Variants in EFCAB6 observed in about 807,000 individuals in gnomAD.
The protein encoded by EFCAB6 is EF-hand calcium binding domain 6, also known as EF-hand calcium-binding domain-containing protein 6.
In EFCAB6, 156 loss-of-function variants were observed where a neutral mutation model predicts 169.8. The observed-to-expected ratio is 0.92, with a 90% CI of 0.81 to 1.05. The LOEUF (loss-of-function observed/expected upper bound fraction) is 1.05, where lower values mean the gene tolerates loss of function less well. Among genes scored for constraint, EFCAB6 ranks in the 50% least tolerant of loss-of-function variants. The pLI is 0.00. For synonymous variants in EFCAB6, 698 were observed against 676.4 expected, an observed-to-expected ratio of 1.03 and a Z score of -0.50; for missense variants, 1,800 against 1,829.1, an observed-to-expected ratio of 0.98 and a Z score of 0.29.
chr22:43,727,487 T>C (rs950471684), intron 8 of EFCAB6, among the ~76,000 whole-genome samples: 2 of 152,176 alleles, frequency 1.3e-5, no homozygotes, highest in Admixed American at 1.3e-4. Context: ...ATAACAGTGT[T>C]TGAGAATGTA....
chr22:43,687,582 C>T lies in EFCAB6; in HGVS notation c.1032-1G>A. 6.4e-7 allele frequency: 1 copy of T among 1,559,148 alleles called. No individual in the cohort carries two copies. Among genetic ancestry groups the T allele is most frequent in the Non-Finnish European group, 8.7e-7 (1 of 1,144,968 alleles). ...TTTAGTGGTGGCTTTAAGTCCAAATCTGGATTTAAAAGTAACAACAAAAAA... is the reference window on the plus strand; with the variant it reads ...TTTAGTGGTGGCTTTAAGTCCAAATTTGGATTTAAAAGTAACAACAAAAAA... On this transcript the variant is annotated splice_acceptor_variant, in intron 10 of 31. Transcript: ENST00000262726. LOFTEE classifies it high-confidence loss of function.
intron 3 of EFCAB6, among the ~76,000 whole-genome samples, chr22:43,778,890 C>CT (rs148960002): frequency 0.087 from 12,798 of 147,816 alleles, 655 homozygotes; most frequent in South Asian, 0.18. Context: ...TCTGGCATTA[C>CT]TTTTTTTTTT....
chr22:43,794,815 C>A (rs1024880863), intron 2 of EFCAB6, among the ~76,000 whole-genome samples: 4 of 152,170 alleles, frequency 2.6e-5, no homozygotes, highest in African/African-American at 9.7e-5. Context: ...TACTGGCAAC[C>A]CCTAGTCTAT....
intron 13 of EFCAB6, among the ~76,000 whole-genome samples, chr22:43,675,327 A>G (rs28374023): frequency 1.1e-3 from 42 of 37,746 alleles, no homozygotes; most frequent in Non-Finnish European, 2.2e-3. Flanking sequence ...TTATACTATA[A>G]TATATAATAT....
Position 43,667,119 on chromosome 22 carries a change from C to A in EFCAB6, c.1968G>T (p.Val656=). The A allele has an allele frequency of 6.2e-7, 1 of 1,613,902 alleles. No individual in the cohort carries two copies. Among genetic ancestry groups the A allele is most frequent in the Non-Finnish European group, 8.5e-7 (1 of 1,179,950 alleles). Residue 656 remains valine, a synonymous_variant, in exon 17 of 32, where the codon GTG becomes GTT. Transcript: ENST00000262726. ...ATTCTCCTACCTTCTTAAAGTCATG[C>A]ACGTTAATTTTTCCATTAGGCTCCT... The part of the protein sequence containing the change: ...FSKEPNGKIN[V]HDFKKVLEDT...
At chr22:43,644,662 C>T (rs1236184484) in intron 17 of EFCAB6, among the ~76,000 whole-genome samples, 1 of 152,162 alleles carries the variant, frequency 6.6e-6, no homozygotes, top group African/African-American at 2.4e-5. Flanking sequence ...TTCATGTTTT[C>T]TTTTCTTCTT....
At position 43,590,141 on chromosome 22, in the gene EFCAB6, T is replaced by A; in HGVS notation, c.2965A>T (p.Met989Leu). 6.2e-7 allele frequency: 1 copy of A among 1,614,218 alleles called. No individual in the cohort carries two copies. Among genetic ancestry groups the A allele is most frequent in the Non-Finnish European group, 8.5e-7 (1 of 1,180,036 alleles). The change falls in exon 24 of 32, where the codon ATG becomes TTG. Residue 989 changes from methionine to leucine, a missense_variant. Coordinates refer to ENST00000262726, the MANE Select transcript of EFCAB6 (RefSeq NM_022785.4). ...SKTNYISICKMQEVLEECGCS... is the reference protein window; with the variant it reads ...SKTNYISICKLQEVLEECGCS... ...CCACATTCTTCCAGCACTTCCTGCA[T>A]CTTGCATATGGATATGTAGTTGGTT...
chr22:43,556,378 G>C (rs2048707962), intron 26 of EFCAB6, among the ~76,000 whole-genome samples: 1 of 152,148 alleles, frequency 6.6e-6, no homozygotes, highest in South Asian at 2.1e-4. Flanking sequence ...AGACACGCGT[G>C]GGAGTCGGGA....
At chr22:43,796,305 T>G (rs938955002) in intron 2 of EFCAB6, among the ~76,000 whole-genome samples, 6 of 152,174 alleles carry the variant, frequency 3.9e-5, no homozygotes, top group Non-Finnish European at 5.9e-5. Context: ...TTTGATCATG[T>G]GCTCAGCACG....
intron 25 of EFCAB6, among the ~76,000 whole-genome samples, chr22:43,579,836 T>TTC (rs1459839705): frequency 6.6e-6 from 1 of 151,116 alleles, no homozygotes; most frequent in Non-Finnish European, 1.5e-5. Flanking sequence ...GCAGGCATCA[T>TTC]TCTCTATATG....
chr22:43,774,913 G>A (rs2061590094), intron 3 of EFCAB6, among the ~76,000 whole-genome samples: 1 of 151,978 alleles, frequency 6.6e-6, no homozygotes, highest in Admixed American at 6.6e-5. Context: ...GTCATCAAAA[G>A]AACAACATAA....
At chr22:43,573,964 AC>A (rs1228233431) in intron 26 of EFCAB6, among the ~76,000 whole-genome samples, 1 of 152,164 alleles carries the variant, frequency 6.6e-6, no homozygotes, top group Non-Finnish European at 1.5e-5. Context: ...ACCCAATAGG[AC>A]AGAATTATTT....
At chr22:43,544,625 G>C (rs2047935465) in intron 27 of EFCAB6, among the ~76,000 whole-genome samples, 1 of 152,058 alleles carries the variant, frequency 6.6e-6, no homozygotes, top group Non-Finnish European at 1.5e-5. Context: ...GTGGGGTTGG[G>C]TTTCTCTTGG....
At chr22:43,679,605 T>C (rs1417762939) in intron 12 of EFCAB6, among the ~76,000 whole-genome samples, 17 of 152,224 alleles carry the variant, frequency 1.1e-4, no homozygotes, top group Admixed American at 1.1e-3. Flanking sequence ...ACTAGCAGTA[T>C]ATGAGAGTTC....
At chr22:43,584,193 G>A (rs2050908790) in intron 24 of EFCAB6, among the ~76,000 whole-genome samples, 1 of 152,178 alleles carries the variant, frequency 6.6e-6, no homozygotes, top group Non-Finnish European at 1.5e-5. Flanking sequence ...GACATGGAAG[G>A]AGTGGGGAAA....
chr22:43,589,211 T>A (rs910012832), intron 24 of EFCAB6, among the ~76,000 whole-genome samples: 6 of 135,204 alleles, frequency 4.4e-5, no homozygotes, highest in African/African-American at 1.8e-4. Flanking sequence ...GGTCAGGAGA[T>A]CGAGACCATC....
intron 4 of EFCAB6, among the ~76,000 whole-genome samples, 197 bp downstream of exon 4, chr22:43,772,695 G>A (rs978161862): frequency 6.6e-6 from 1 of 151,566 alleles, no homozygotes; most frequent in African/African-American, 2.4e-5. Context: ...CTGGAGCAGC[G>A]CTACATGCAA....
chr22:43,771,103 T>C (rs1282565407), intron 4 of EFCAB6, among the ~76,000 whole-genome samples: 4 of 152,108 alleles, frequency 2.6e-5, no homozygotes, highest in East Asian at 3.9e-4. Context: ...TTTAAATTGC[T>C]AGGAGGTAGC....
intron 25 of EFCAB6, among the ~76,000 whole-genome samples, chr22:43,577,171 CT>C (rs1251268623): frequency 1.3e-5 from 2 of 152,196 alleles, no homozygotes; most frequent in African/African-American, 4.8e-5. Context: ...AGTAGTTAAA[CT>C]GAAAAAGTGC....
Sources: allele counts gnomAD v4.1 joint callset (sites outside exome capture counted in the v4.1 genomes callset), GRCh38; gene constraint gnomAD v4.1.1; transcripts MANE v1.5; gene names NCBI Gene and HGNC (gene_info 2026-07-23, HGNC 2026-07-21).